Variants in GNAI2 observed in about 807,000 individuals in gnomAD.
GNAI2 encodes guanine nucleotide-binding protein G(i) subunit alpha-2.
Under a neutral mutation model 36.8 loss-of-function variants are expected in GNAI2, and 4 were observed. The ratio of observed to expected loss-of-function variants is 0.11; its 90% CI spans 0.05 to 0.25. GNAI2 has a LOEUF of 0.25. GNAI2 is among the 10% of genes least tolerant of loss of function. The probability of loss-of-function intolerance (pLI) is 1.00; values close to 1 mark genes in which losing one functional copy is unlikely to be tolerated. For missense variants in GNAI2, 230 were observed against 481.3 expected (o/e 0.48, Z 4.89); for synonymous variants, 194 against 194.1 (o/e 1.00, Z 0.01).
At chr3:50,244,131 C>A (rs1304233237) in intron 1 of GNAI2, among the ~76,000 whole-genome samples, 1 of 150,278 alleles carries the variant, frequency 6.7e-6, no homozygotes, top group African/African-American at 2.5e-5. Flanking sequence ...TGGGTTCAAG[C>A]GATTCTCCTG....
In GNAI2 at chr3:50,258,007, ACCT is replaced by A. The variant is rs374696460; in HGVS notation, c.*24+298_*24+300del. On this transcript the variant is annotated intron_variant, in intron 8 of 8. Transcript: ENST00000313601. ...TCCTGATGTTCCCTGGAGAAATCTC[ACCT>A]CCTCACCCACCAGGCCATTGGCCCA... 6.4e-4 allele frequency: 181 copies of A among 282,452 alleles called. 1 individual carries two copies. The East Asian group carries it at 0.01, about 16-fold the overall frequency. The allele number at this position is 282,452 out of a possible 1,614,324, so 17.5% of individuals were successfully genotyped here. A position where few individuals can be genotyped will look rare whatever the true frequency, so the allele number is the denominator to read the frequency against.
chr3:50,256,344 G>T, intron 5 of GNAI2, 24 bp downstream of exon 5: 1 of 1,611,700 alleles, frequency 6.2e-7, no homozygotes. Flanking sequence ...TGGACAGGTG[G>T]GAGGGGCAGG....
chr3:50,231,206 C>G (rs1282125093), upstream of GNAI2, among the ~76,000 whole-genome samples: 1 of 152,338 alleles, frequency 6.6e-6, no homozygotes, highest in African/African-American at 2.4e-5. Context: ...TCTCTTTTCT[C>G]TGCGTATACA....
upstream of GNAI2, among the ~76,000 whole-genome samples, chr3:50,231,491 AT>A (rs1423029468): frequency 6.6e-6 from 1 of 152,178 alleles, no homozygotes; most frequent in Non-Finnish European, 1.5e-5. Context: ...GTTGGCCAGG[AT>A]AGTCGATCTC....
rs782365983 is a variant in GNAI2, at chr3:50,255,529, G to A, written c.465-663G>A. ...CCATTAGCATCCTGAATCCTTCACC[G>A]AAGGACTAATTTGCCTCCTCCCACC... On this transcript the variant is annotated intron_variant, in intron 4 of 8. Transcript: ENST00000313601. This position sits in a 1 kb window ranked among gnomAD's most constrained non-coding sequence, Gnocchi z 4.0. Among the ~76,000 whole-genome samples, 5 of 152,148 alleles carry A rather than the reference G, an allele frequency of 3.3e-5. No homozygotes were observed. In the South Asian group the frequency reaches 8.3e-4, roughly 25 times the overall value.
Position 50,242,720 on chromosome 3 carries a change from C to T in GNAI2, c.118+6267C>T, listed in dbSNP as rs887440874. Among the ~76,000 whole-genome samples the T allele has an allele frequency of 1.3e-5, 2 of 152,172 alleles. No homozygotes were observed. Among genetic ancestry groups the T allele is most frequent in the African/African-American group, 2.4e-5 (1 of 41,424 alleles). On this transcript the variant is annotated intron_variant, in intron 1 of 8. Coordinates refer to ENST00000313601, the MANE Select transcript of GNAI2 (RefSeq NM_002070.4). This position sits in a 1 kb window ranked among gnomAD's most constrained non-coding sequence, Gnocchi z 4.8. ...ATTTGCTGGGCTGGTTCTTCTGTGC[C>T]GGCCTCTGTGCACATTTACAAGGCT...
At chr3:50,247,494 A>T (rs1553701892) in intron 1 of GNAI2, among the ~76,000 whole-genome samples, 1 of 152,214 alleles carries the variant, frequency 6.6e-6, no homozygotes, top group Admixed American at 6.5e-5. Context: ...TGTGACTTGA[A>T]TGCTGGGGCC....
rs185903128 is a variant in GNAI2 at position 50,257,350 on chromosome 3, T to C, written c.878-150T>C. On this transcript the variant is annotated intron_variant, in intron 7 of 8. Transcript: ENST00000313601. The stretch of plus-strand genomic sequence containing the variant: ...GGGGTACCCCTTTGCACATCTGGCA[T>C]GTATGGGCAGCCACAAACATTGTCA... 6.3e-4 allele frequency: 405 copies of C among 639,500 alleles called. 3 individuals carry two copies. The highest frequency in any genetic ancestry group is 6.3e-3 in the African/African-American group (343 of 54,446). 39.6% of individuals were successfully genotyped at this position (639,500 alleles called of 1,614,324 possible). A position where few individuals can be genotyped will look rare whatever the true frequency, so the allele number is the denominator to read the frequency against.
At chr3:50,251,744 G>T in intron 1 of GNAI2, 1 of 1,314,978 alleles carries the variant, frequency 7.6e-7, no homozygotes, top group Non-Finnish European at 9.9e-7. Context: ...AGCTGCACAG[G>T]TTGGCGAGCC....
chr3:50,230,686 G>A (rs997887887), upstream of GNAI2: 3 of 414,558 alleles, frequency 7.2e-6, no homozygotes, highest in African/African-American at 4.3e-5. Flanking sequence ...CAGTAGGGGT[G>A]AACCAGCAGC....
rs1258278645 is a variant in GNAI2, at chr3:50,252,454, C to T, written c.219C>T (p.Val73=). ...EEECRQYRAV[V]YSNTIQSIMA... is the part of the protein sequence containing the mutation. ...AATGCCGGCAGTACCGGGCGGTTGTCTACAGCAACACCATCCAGTCCATCA... is the reference window on the plus strand; with the variant it reads ...AATGCCGGCAGTACCGGGCGGTTGTTTACAGCAACACCATCCAGTCCATCA... The change falls in exon 3 of 9, where the codon GTC becomes GTT. Residue 73 remains valine, a synonymous_variant. Coordinates refer to ENST00000313601, the MANE Select transcript of GNAI2 (RefSeq NM_002070.4). This position sits in a 1 kb window ranked among gnomAD's most constrained non-coding sequence, Gnocchi z 4.1. The T allele has an allele frequency of 1.2e-6, 2 of 1,613,606 alleles. No homozygotes were observed. Among genetic ancestry groups the T allele is most frequent in the Non-Finnish European group, 1.7e-6 (2 of 1,179,788 alleles).
In GNAI2 at chr3:50,252,608, T is replaced by A; in HGVS notation, c.303+70T>A. The A allele has an allele frequency of 1.5e-6, 2 of 1,320,972 alleles. No homozygotes were observed. Among genetic ancestry groups the A allele is most frequent in the Non-Finnish European group, 2.1e-6 (2 of 938,760 alleles). 81.8% of individuals were successfully genotyped at this position (1,320,972 alleles called of 1,614,324 possible). On this transcript the variant is annotated intron_variant, in intron 3 of 8. Transcript: ENST00000313601. This position sits in a 1 kb window ranked among gnomAD's most constrained non-coding sequence, Gnocchi z 4.1. Reference sequence around the variant, plus strand: ...CGGGGTGGCTGGTTGTGGTGGCTCATGCCTATAAATCCCAGCACTTTGGGA... The same window carrying A: ...CGGGGTGGCTGGTTGTGGTGGCTCAAGCCTATAAATCCCAGCACTTTGGGA...
At chr3:50,243,833 G>A (rs1188352958) in intron 1 of GNAI2, among the ~76,000 whole-genome samples, 6 of 152,114 alleles carry the variant, frequency 3.9e-5, no homozygotes, top group African/African-American at 1.4e-4. Flanking sequence ...TGGAAGTAAC[G>A]GATCAGGCAG....
At chr3:50,235,627 T>TA (rs1553700222), upstream of GNAI2, among the ~76,000 whole-genome samples, 1 of 152,184 alleles carries the variant, frequency 6.6e-6, no homozygotes, top group East Asian at 1.9e-4. Flanking sequence ...GCCTTTTTTT[T>TA]TCCTTTTTCG....
At position 50,236,402 on chromosome 3, in the gene GNAI2, C is replaced by T. The variant is rs1396105745; in HGVS notation, c.67C>T (p.Leu23=). The T allele has an allele frequency of 1.9e-6, 3 of 1,579,726 alleles. No individual in the cohort carries two copies. Among genetic ancestry groups the T allele is most frequent in the Non-Finnish European group, 2.6e-6 (3 of 1,165,766 alleles). ...AERSKMIDKN[L]REDGEKAARE... is the part of the protein sequence containing the mutation. ...GCGCTCTAAGATGATCGACAAGAACCTGCGGGAGGACGGAGAGAAGGCGGC... is the reference window on the plus strand; with the variant it reads ...GCGCTCTAAGATGATCGACAAGAACTTGCGGGAGGACGGAGAGAAGGCGGC... Residue 23 remains leucine (L), a synonymous_variant, in exon 1 of 9, where the codon CTG becomes TTG. Coordinates refer to ENST00000313601, the MANE Select transcript of GNAI2 (RefSeq NM_002070.4). The surrounding 1 kb of genome is among the most constrained non-coding windows in gnomAD (Gnocchi z 4.0).
At chr3:50,234,062 ATT>A (rs782209651), upstream of GNAI2, among the ~76,000 whole-genome samples, 1,931 of 82,400 alleles carry the variant, frequency 0.023, 40 homozygotes, top group African/African-American at 0.085. Flanking sequence ...CGCCCAGCTG[ATT>A]TTTTTTTTTT....
At position 50,250,422 on chromosome 3, in the gene GNAI2, G is replaced by A. The variant is rs587659358; in HGVS notation, c.119-1678G>A. On this transcript the variant is annotated intron_variant, in intron 1 of 8. Coordinates refer to ENST00000313601, the MANE Select transcript of GNAI2 (RefSeq NM_002070.4). ...AGCTAAGCTGCACAGAGGAACAAACGTGCCACAGTGATCAGAATTGGGACA... is the reference window on the plus strand; with the variant it reads ...AGCTAAGCTGCACAGAGGAACAAACATGCCACAGTGATCAGAATTGGGACA... Among the ~76,000 whole-genome samples, 17 of 152,280 alleles carry A rather than the reference G, an allele frequency of 1.1e-4. No individual in the cohort carries two copies. The South Asian group carries it at 3.1e-3, about 28-fold the overall frequency.
At chr3:50,251,611 C>A in intron 1 of GNAI2, 1 of 1,268,742 alleles carries the variant, frequency 7.9e-7, no homozygotes. Flanking sequence ...ACGCTGTGCT[C>A]CTGCTTAGGC....
At chr3:50,232,034 T>TA (rs34808585), upstream of GNAI2, among the ~76,000 whole-genome samples, 1,200 of 137,346 alleles carry the variant, frequency 8.7e-3, 16 homozygotes, top group African/African-American at 0.027. Flanking sequence ...TCATCTCTAT[T>TA]AAAAAAAAAA....
Sources: allele counts gnomAD v4.1 joint callset (sites outside exome capture counted in the v4.1 genomes callset), GRCh38; gene constraint gnomAD v4.1.1; non-coding constraint Gnocchi (gnomAD v3.1); transcripts MANE v1.5; gene names NCBI Gene and HGNC (gene_info 2026-07-23, HGNC 2026-07-21).